Variants in CNTNAP2 observed in about 807,000 individuals in gnomAD.
CNTNAP2 encodes contactin-associated protein-like 2.
Under a neutral mutation model 155.2 loss-of-function variants are expected in CNTNAP2, and 98 were observed. The ratio of observed to expected loss-of-function variants is 0.63; its 90% CI spans 0.54 to 0.75. CNTNAP2 has a LOEUF of 0.75. Ranked by LOEUF, CNTNAP2 falls within the 30% of genes least tolerant of loss-of-function variation. The pLI is 0.00. For missense variants in CNTNAP2, 1,727 were observed against 1,688.1 expected (o/e 1.02, Z -0.40); for synonymous variants, 651 against 631.2 (o/e 1.03, Z -0.47).
intron 3 of CNTNAP2, among the ~76,000 whole-genome samples, chr7:146,852,504 A>G (rs944246356): frequency 3.3e-5 from 5 of 152,208 alleles, no homozygotes; most frequent in Non-Finnish European, 5.9e-5. Context: ...GTTTGGCCTT[A>G]AAAATCATGT....
At chr7:147,064,758 C>T (rs1045081307) in intron 4 of CNTNAP2, among the ~76,000 whole-genome samples, 1 of 152,094 alleles carries the variant, frequency 6.6e-6, no homozygotes, top group Non-Finnish European at 1.5e-5. Flanking sequence ...AAATCATTCT[C>T]TCCATCTCCA....
chr7:146,884,087 C>T (rs1176280667), intron 3 of CNTNAP2, among the ~76,000 whole-genome samples: 1 of 152,024 alleles, frequency 6.6e-6, no homozygotes, highest in African/African-American at 2.4e-5. Context: ...ATAATTGTCC[C>T]TGGGTATATG....
chr7:146,378,176 A>G (rs1795330882), intron 1 of CNTNAP2, among the ~76,000 whole-genome samples: 1 of 152,196 alleles, frequency 6.6e-6, no homozygotes, highest in South Asian at 2.1e-4. Context: ...TACAGGAAAT[A>G]ATAACAGGTG....
chr7:146,789,624 C>T (rs1293011459), intron 2 of CNTNAP2, among the ~76,000 whole-genome samples: 1 of 148,696 alleles, frequency 6.7e-6, no homozygotes, highest in Non-Finnish European at 1.5e-5. Context: ...CAAACCTGTA[C>T]TCTAAATATT....
chr7:146,246,129 A>C (rs182969169), intron 1 of CNTNAP2, among the ~76,000 whole-genome samples: 6,460 of 151,168 alleles, frequency 0.043, 267 homozygotes, highest in African/African-American at 0.1. Context: ...GGGATGTGAT[A>C]TTGGCATTGA....
intron 1 of CNTNAP2, among the ~76,000 whole-genome samples, chr7:146,192,762 A>T (rs1373462339): frequency 6.6e-6 from 1 of 152,178 alleles, no homozygotes; most frequent in Non-Finnish European, 1.5e-5. Flanking sequence ...CCTTCCCAAC[A>T]GTCTTGCAAA....
chr7:147,287,696 T>G (rs1401284350), intron 8 of CNTNAP2, among the ~76,000 whole-genome samples: 5 of 152,176 alleles, frequency 3.3e-5, no homozygotes, highest in East Asian at 3.9e-4. Context: ...CTACCTGATA[T>G]CTCTACTTGG....
intron 1 of CNTNAP2, among the ~76,000 whole-genome samples, chr7:146,475,204 T>C (rs542367589): frequency 2.3e-4 from 35 of 152,356 alleles, no homozygotes; most frequent in Middle Eastern, 3.4e-3. Flanking sequence ...ATATTGGGTA[T>C]GTTTTCTAGC....
At chr7:147,401,150 A>T (rs1281846495) in intron 10 of CNTNAP2, among the ~76,000 whole-genome samples, 1 of 152,204 alleles carries the variant, frequency 6.6e-6, no homozygotes, top group Non-Finnish European at 1.5e-5. Context: ...GTGACTCATT[A>T]GAATTAGAAT....
rs1800733483 is a variant in CNTNAP2, at chr7:146,693,588, C to G, written c.98-80683C>G. On this transcript the variant is annotated intron_variant, in intron 1 of 23. Transcript: ENST00000361727. ...TTCTTATTCTGCCAGAATATTATAC[C>G]TTGACAAGTAATCTCCCCTCCCTGG... Among the ~76,000 whole-genome samples, 3 of 151,976 alleles carry G rather than the reference C, an allele frequency of 2.0e-5. No individual in the cohort carries two copies. The South Asian group carries it at 6.2e-4, about 32-fold the overall frequency.
intron 9 of CNTNAP2, among the ~76,000 whole-genome samples, chr7:147,321,168 C>A (rs116533345): frequency 0.024 from 3,725 of 152,210 alleles, 160 homozygotes; most frequent in African/African-American, 0.085. Context: ...AGAACTTGCA[C>A]CTCCCTCCTT....
intron 13 of CNTNAP2, among the ~76,000 whole-genome samples, chr7:147,654,779 T>C (rs929476157): frequency 6.6e-6 from 1 of 151,278 alleles, no homozygotes; most frequent in African/African-American, 2.4e-5. Context: ...TCACTATCCA[T>C]GGCAGCTATA....
chr7:147,325,984 A>G (rs540232840), intron 9 of CNTNAP2, among the ~76,000 whole-genome samples: 7 of 152,094 alleles, frequency 4.6e-5, no homozygotes, highest in Admixed American at 6.5e-5. Context: ...GTGCAGTGGC[A>G]CAATCTCGGC....
chr7:147,344,533 A>G (rs978483696), intron 9 of CNTNAP2, among the ~76,000 whole-genome samples: 1 of 152,210 alleles, frequency 6.6e-6, no homozygotes, highest in African/African-American at 2.4e-5. Context: ...CACAAGGAAT[A>G]CTAAGTGAAC....
At chr7:148,103,425 T>A (rs924695121) in intron 15 of CNTNAP2, among the ~76,000 whole-genome samples, 4 of 152,138 alleles carry the variant, frequency 2.6e-5, no homozygotes, top group Admixed American at 1.3e-4. Context: ...ATTCTCAGAT[T>A]TCTTTGAAAT....
At chr7:148,384,114 T>TTAAC (rs1017536502) in intron 22 of CNTNAP2, among the ~76,000 whole-genome samples, 2 of 152,222 alleles carry the variant, frequency 1.3e-5, no homozygotes, top group African/African-American at 4.8e-5. Flanking sequence ...GTAGGAAGTA[T>TTAAC]TAACTCTTCA....
chr7:147,308,960 C>T (rs193227364), intron 9 of CNTNAP2, among the ~76,000 whole-genome samples: 4 of 152,126 alleles, frequency 2.6e-5, no homozygotes, highest in Non-Finnish European at 1.5e-5. Context: ...AAATGGAGAA[C>T]CCTGACTTAA....
chr7:147,469,625 T>C (rs1446588932), intron 10 of CNTNAP2, among the ~76,000 whole-genome samples: 1 of 150,526 alleles, frequency 6.6e-6, no homozygotes, highest in Admixed American at 6.7e-5. Context: ...TTCAAGCGAT[T>C]CTCCTGCCTC....
intron 10 of CNTNAP2, among the ~76,000 whole-genome samples, chr7:147,468,037 A>G (rs985636798): frequency 1.3e-5 from 2 of 152,104 alleles, no homozygotes; most frequent in Non-Finnish European, 2.9e-5. Flanking sequence ...TAATCCCAGA[A>G]CTGTGGGAGG....
Sources: gnomAD v4.1 joint callset for allele counts (sites outside exome capture counted in the v4.1 genomes callset) on GRCh38, gnomAD v4.1.1 for gene constraint, MANE v1.5 for transcripts, NCBI Gene and HGNC (gene_info 2026-07-23, HGNC 2026-07-21) for gene names.